The following SOBP variants were observed in gnomAD, a reference collection of about 807,000 sequenced individuals.
The protein encoded by SOBP is sine oculis-binding protein homolog.
In SOBP, 4 loss-of-function variants were observed where a neutral mutation model predicts 53.6. The ratio of observed to expected loss-of-function variants is 0.07; its 90% CI spans 0.04 to 0.17. SOBP has a LOEUF of 0.17. Ranked by LOEUF, SOBP falls within the 10% of genes least tolerant of loss-of-function variation. The pLI, the probability that SOBP is intolerant of heterozygous loss-of-function variation, is 1.00. For missense variants in SOBP, 1,088 were observed against 1,204.7 expected (o/e 0.90, Z 1.43); for synonymous variants, 584 against 522.6 (o/e 1.12, Z -1.60).
At chr6:107,613,695 G>T (rs1786679707) in intron 5 of SOBP, among the ~76,000 whole-genome samples, 2 of 152,216 alleles carry the variant, frequency 1.3e-5, no homozygotes, top group Non-Finnish European at 2.9e-5. Context: ...GTTCAGAAAG[G>T]TTAAATAATT....
At chr6:107,539,168 C>A (rs1290164989) in intron 4 of SOBP, among the ~76,000 whole-genome samples, 2 of 152,202 alleles carry the variant, frequency 1.3e-5, no homozygotes, top group African/African-American at 4.8e-5. Flanking sequence ...CTGAAAGGAA[C>A]AGCAACCACT....
chr6:107,642,774 G>A (rs183631671), intron 6 of SOBP, among the ~76,000 whole-genome samples: 1 of 152,322 alleles, frequency 6.6e-6, no homozygotes, highest in African/African-American at 2.4e-5. Context: ...GGTAAAAAGG[G>A]AAGTAAGAAT....
At chr6:107,612,923 G>A (rs545763523) in intron 5 of SOBP, among the ~76,000 whole-genome samples, 160 of 152,268 alleles carry the variant, frequency 1.1e-3, no homozygotes, top group African/African-American at 3.7e-3. Flanking sequence ...GCAATACTTC[G>A]ATACTTTTTA....
At chr6:107,591,370 G>GCTATGCCC (rs1325149513) in intron 5 of SOBP, among the ~76,000 whole-genome samples, 2 of 152,194 alleles carry the variant, frequency 1.3e-5, no homozygotes, top group Non-Finnish European at 2.9e-5. Flanking sequence ...TACACAGTGA[G>GCTATGCCC]CTATGCCCCA....
intron 5 of SOBP, among the ~76,000 whole-genome samples, chr6:107,624,431 A>C (rs1770366532): frequency 6.6e-6 from 1 of 152,240 alleles, no homozygotes; most frequent in African/African-American, 2.4e-5. Flanking sequence ...GTTTAAAAAT[A>C]ACAATCTGGA....
chr6:107,533,351 C>A, intron 3 of SOBP, 108 bp from the exon 4 acceptor site: 1 of 1,070,516 alleles, frequency 9.3e-7, no homozygotes, highest in Non-Finnish European at 1.4e-6. Context: ...TCTCCAAGGT[C>A]CAGAAACTAA....
chr6:107,594,772 C>G (rs550345772), intron 5 of SOBP, among the ~76,000 whole-genome samples: 1 of 152,268 alleles, frequency 6.6e-6, no homozygotes, highest in East Asian at 1.9e-4. Flanking sequence ...TTATTCTCAC[C>G]GTAACTTTTC....
In SOBP at chr6:107,637,603, C is replaced by T. The variant is rs139327122; in HGVS notation, c.*3+2134C>T. Among the ~76,000 whole-genome samples the T allele has an allele frequency of 6.4e-3, 968 of 152,244 alleles. 8 individuals are homozygous for T. Among genetic ancestry groups the T allele is most frequent in the South Asian group, 0.014 (68 of 4,822 alleles). On this transcript the variant is annotated intron_variant, in intron 6 of 6. Transcript: ENST00000317357. ...GGAAGATGTGTGACAAAAAAAGTGA[C>T]GGCCTTCAGAAAGTCAGAAAGCATT...
intron 4 of SOBP, among the ~76,000 whole-genome samples, chr6:107,565,746 C>CT (rs1784898771): frequency 6.6e-6 from 1 of 152,078 alleles, no homozygotes; most frequent in Admixed American, 6.5e-5. Context: ...TCAAAATGAA[C>CT]CTAAAAGTCA....
chr6:107,519,014 A>G lies in SOBP; in HGVS notation c.421+12587A>G, dbSNP rs182493727. ...ACCAAGTGAAATGCAAATGTATCAT[A>G]GTGAAGCCTAAAAATTAAGTTATAG... On this transcript the variant is annotated intron_variant, in intron 3 of 6. Transcript: ENST00000317357. 3.6e-4 allele frequency among the ~76,000 whole-genome samples: 54 copies of G among 151,874 alleles called. No homozygotes were observed. In the East Asian group the frequency reaches 9.9e-3, roughly 28 times the overall value.
At position 107,634,574 on chromosome 6, in the gene SOBP, C is replaced by G. The variant is rs1562116787; in HGVS notation, c.1730C>G (p.Pro577Arg). The change falls in exon 6 of 7, where the codon CCA (proline) becomes CGA (arginine). Residue 577 changes from proline (P) to arginine (R), a missense_variant. Physicochemically the swap from Pro to Arg is moderately radical, Grantham distance 103. Coordinates refer to ENST00000317357, the MANE Select transcript of SOBP (RefSeq NM_018013.4). The surrounding 1 kb of genome is among the most constrained non-coding windows in gnomAD (Gnocchi z 4.5). The part of the protein sequence containing the change: ...PGDSAAAGGK[P>R]SGHSLSPRDS... ...GACTCCGCGGCGGCGGGCGGCAAGC[C>G]AAGCGGACACTCCCTGTCCCCCCGG... 1.2e-6 allele frequency: 2 copies of G among 1,605,276 alleles called. No individual in the cohort carries two copies. The highest frequency in any genetic ancestry group is 1.7e-6 in the Non-Finnish European group (2 of 1,179,716).
At chr6:107,576,158 C>T (rs773547820) in intron 4 of SOBP, among the ~76,000 whole-genome samples, 5 of 152,150 alleles carry the variant, frequency 3.3e-5, no homozygotes, top group African/African-American at 4.8e-5. Context: ...TCAGGAGGAC[C>T]ATCCTGCCCA....
rs554878784 is a variant in SOBP at position 107,537,586 on chromosome 6, G to A, written c.573+3976G>A. Among the ~76,000 whole-genome samples, 406 of 152,258 alleles carry A rather than the reference G, an allele frequency of 2.7e-3. 2 individuals are homozygous for A. The highest frequency in any genetic ancestry group is 9.2e-3 in the African/African-American group (384 of 41,556). ...CTGTAATCCCAGCACTTTGGGAGGT[G>A]GAGGTAGGAGGATTGCTTGAGCCCA... On this transcript the variant is annotated intron_variant, in intron 4 of 6. Transcript: ENST00000317357.
chr6:107,548,903 C>G (rs1289205538), intron 4 of SOBP, among the ~76,000 whole-genome samples: 1 of 152,094 alleles, frequency 6.6e-6, no homozygotes, highest in East Asian at 1.9e-4. Flanking sequence ...TGCTACTGCA[C>G]TCCAGCCTGG....
chr6:107,651,457 G>A (rs951414861), intron 6 of SOBP, among the ~76,000 whole-genome samples: 2 of 152,150 alleles, frequency 1.3e-5, no homozygotes, highest in African/African-American at 4.8e-5. Context: ...TGAGAGAGGG[G>A]AGGAAGCTGC....
At chr6:107,628,516 G>C (rs1770564025) in intron 5 of SOBP, among the ~76,000 whole-genome samples, 3 of 152,330 alleles carry the variant, frequency 2.0e-5, no homozygotes, top group African/African-American at 7.2e-5. Context: ...AGCCATAGAA[G>C]CATCCTCCCC....
intron 4 of SOBP, 82 bp from the exon 5 acceptor site, chr6:107,586,998 A>T: frequency 9.8e-7 from 1 of 1,017,442 alleles, no homozygotes; most frequent in Non-Finnish European, 1.6e-6. Flanking sequence ...CGTTTGTTGA[A>T]TGATCTGAGC....
At position 107,635,794 on chromosome 6, in the gene SOBP, C is replaced by T. The variant is rs915352489; in HGVS notation, c.*3+325C>T. ...AATTACACTTTATTATCATGCTCAT[C>T]TCCGTAAATCACCCTATTGGAGAAG... On this transcript the variant is annotated intron_variant, in intron 6 of 6. Transcript: ENST00000317357. This position sits in a 1 kb window ranked among gnomAD's most constrained non-coding sequence, Gnocchi z 4.5. 4.8e-4 allele frequency among the ~76,000 whole-genome samples: 73 copies of T among 152,286 alleles called. No homozygotes were observed. The highest frequency in any genetic ancestry group is 1.7e-3 in the African/African-American group (70 of 41,558).
intron 4 of SOBP, among the ~76,000 whole-genome samples, chr6:107,545,942 A>G (rs1364471821): frequency 6.6e-6 from 1 of 152,240 alleles, no homozygotes; most frequent in East Asian, 1.9e-4. Flanking sequence ...AGAGGCACAG[A>G]TGGTTCATAT....
Sources: allele counts gnomAD v4.1 joint callset (sites outside exome capture counted in the v4.1 genomes callset), GRCh38; gene constraint gnomAD v4.1.1; non-coding constraint Gnocchi (gnomAD v3.1); transcripts MANE v1.5; gene names NCBI Gene and HGNC (gene_info 2026-07-23, HGNC 2026-07-21).